Variants in ARHGAP15 observed in about 807,000 individuals in gnomAD.
The protein encoded by ARHGAP15 is rho GTPase-activating protein 15.
In ARHGAP15, 51 loss-of-function variants were observed where a neutral mutation model predicts 63.7. That is an observed-to-expected ratio of 0.80 (90% CI 0.64 to 1.01). The LOEUF (loss-of-function observed/expected upper bound fraction) is 1.01, where lower values mean the gene tolerates loss of function less well. Ranked by LOEUF, ARHGAP15 falls within the 50% of genes least tolerant of loss-of-function variation. The pLI, the probability that ARHGAP15 is intolerant of heterozygous loss-of-function variation, is 0.00. For missense variants in ARHGAP15, 560 were observed against 564.6 expected, an observed-to-expected ratio of 0.99 and a Z score of 0.08; for synonymous variants, 191 against 193.8, an observed-to-expected ratio of 0.99 and a Z score of 0.12.
At chr2:143,246,658 T>C (rs141299446) in intron 5 of ARHGAP15, among the ~76,000 whole-genome samples, 4 of 151,754 alleles carry the variant, frequency 2.6e-5, no homozygotes, top group African/African-American at 9.7e-5. Flanking sequence ...GCGATATCCT[T>C]GGAGGAGAGG....
chr2:143,334,552 G>A (rs1345087883), intron 6 of ARHGAP15, among the ~76,000 whole-genome samples: 1 of 152,082 alleles, frequency 6.6e-6, no homozygotes, highest in African/African-American at 2.4e-5. Context: ...AAGATGTAAA[G>A]CATGATTGCA....
chr2:143,753,387 C>T (rs1452431865), intron 13 of ARHGAP15, among the ~76,000 whole-genome samples: 1 of 152,142 alleles, frequency 6.6e-6, no homozygotes, highest in Non-Finnish European at 1.5e-5. Flanking sequence ...TAAGAGCCTT[C>T]TGTTATAAAG....
chr2:143,646,027 C>T (rs1038462892), intron 12 of ARHGAP15, among the ~76,000 whole-genome samples: 1 of 152,154 alleles, frequency 6.6e-6, no homozygotes, highest in South Asian at 2.1e-4. Flanking sequence ...CAAATATGTA[C>T]TGAAGGATTT....
At chr2:143,497,344 C>A (rs186923702) in intron 9 of ARHGAP15, among the ~76,000 whole-genome samples, 26 of 152,146 alleles carry the variant, frequency 1.7e-4, no homozygotes, top group Admixed American at 9.2e-4. Flanking sequence ...GGAGAGATGG[C>A]CCATGGCTGT....
intron 13 of ARHGAP15, among the ~76,000 whole-genome samples, chr2:143,715,700 T>C (rs2105450685): frequency 6.6e-6 from 1 of 152,370 alleles, no homozygotes; most frequent in Non-Finnish European, 1.5e-5. Context: ...TAGATTCTTT[T>C]GCTGTGCAGA....
In ARHGAP15 at chr2:143,330,122, AAAAAAAAAAC is replaced by A. The variant is rs1684466989; in HGVS notation, c.474+79523_474+79532del. 3.7e-5 allele frequency among the ~76,000 whole-genome samples: 3 copies of A among 81,428 alleles called. 1 individual carries two copies. Among genetic ancestry groups the A allele is most frequent in the Non-Finnish European group, 5.3e-5 (2 of 37,832 alleles). The allele number at this position is 81,428 out of a possible 152,430, so 53.4% of individuals were successfully genotyped here. A position where few individuals can be genotyped will look rare whatever the true frequency, so the allele number is the denominator to read the frequency against. ...AAAAAAAAAAAAAAAAAAAAAAAAA[AAAAAAAAAAC>A]CAAAAACAAAAAACTAAACTAATGA... On this transcript the variant is annotated intron_variant, in intron 6 of 13. Coordinates refer to ENST00000295095, the MANE Select transcript of ARHGAP15 (RefSeq NM_018460.4).
chr2:143,362,155 G>C (rs1394410870), intron 6 of ARHGAP15, among the ~76,000 whole-genome samples: 1 of 152,084 alleles, frequency 6.6e-6, no homozygotes, highest in Non-Finnish European at 1.5e-5. Context: ...CCCAAGTCTG[G>C]TTGGATGTAT....
intron 11 of ARHGAP15, among the ~76,000 whole-genome samples, chr2:143,619,593 A>G (rs1698579048): frequency 6.6e-6 from 1 of 152,154 alleles, no homozygotes; most frequent in Admixed American, 6.5e-5. Context: ...AACATGTGAT[A>G]TGGTTTGGCT....
chr2:143,425,760 G>C (rs965896205), intron 6 of ARHGAP15, among the ~76,000 whole-genome samples: 9 of 27,706 alleles, frequency 3.2e-4, no homozygotes, highest in African/African-American at 6.6e-4. Context: ...TAGATAGTTA[G>C]TTTCATTCCT....
At chr2:143,271,528 T>G (rs1362251077) in intron 6 of ARHGAP15, among the ~76,000 whole-genome samples, 1 of 152,250 alleles carries the variant, frequency 6.6e-6, no homozygotes, top group Admixed American at 6.5e-5. Context: ...CAGGCTTGAG[T>G]GCAGTGGCGC....
intron 6 of ARHGAP15, among the ~76,000 whole-genome samples, chr2:143,282,995 G>A (rs1283959541): frequency 2.0e-5 from 3 of 152,130 alleles, no homozygotes; most frequent in Non-Finnish European, 4.4e-5. Context: ...ATTTGTCATT[G>A]TTTTCCGTGA....
chr2:143,419,660 A>G (rs1349921338), intron 6 of ARHGAP15, among the ~76,000 whole-genome samples: 1 of 139,074 alleles, frequency 7.2e-6, no homozygotes, highest in African/African-American at 2.9e-5. Flanking sequence ...ATATATACAA[A>G]CACATATATA....
intron 2 of ARHGAP15, among the ~76,000 whole-genome samples, chr2:143,164,232 TG>T (rs1342132841): frequency 6.6e-6 from 1 of 152,030 alleles, no homozygotes; most frequent in Non-Finnish European, 1.5e-5. Context: ...TGAATCCCCA[TG>T]TTCCTAAAGA....
chr2:143,655,494 T>A (rs1681390132), intron 12 of ARHGAP15, among the ~76,000 whole-genome samples: 1 of 152,176 alleles, frequency 6.6e-6, no homozygotes, highest in Admixed American at 6.5e-5. Flanking sequence ...ATCTAACTGA[T>A]AGGATTGTTT....
chr2:143,653,945 T>G (rs1408660769), intron 12 of ARHGAP15, among the ~76,000 whole-genome samples: 1 of 152,230 alleles, frequency 6.6e-6, no homozygotes, highest in African/African-American at 2.4e-5. Context: ...CTGAAGGCAA[T>G]TAAAATCCAC....
In ARHGAP15 at chr2:143,284,924, C is replaced by T. The variant is rs1682021214; in HGVS notation, c.474+34324C>T. On this transcript the variant is annotated intron_variant, in intron 6 of 13. Transcript: ENST00000295095. ...CCATGTCTCAAATTCTTACTTTGTT[C>T]TGTTTTTTTGAAAGACAATGTACAT... is the stretch of plus-strand genomic sequence containing the variant. Among the ~76,000 whole-genome samples, 4 of 152,066 alleles carry T rather than the reference C, an allele frequency of 2.6e-5. No homozygotes were observed. In the South Asian group the frequency reaches 8.3e-4, roughly 31 times the overall value.
At chr2:143,459,695 C>A (rs765899647) in intron 8 of ARHGAP15, among the ~76,000 whole-genome samples, 1 of 152,042 alleles carries the variant, frequency 6.6e-6, no homozygotes, top group Non-Finnish European at 1.5e-5. Context: ...AAAATCCATT[C>A]AAAGAAAACT....
At chr2:143,149,740 T>A (rs1305268279) in intron 1 of ARHGAP15, among the ~76,000 whole-genome samples, 1 of 152,054 alleles carries the variant, frequency 6.6e-6, no homozygotes, top group Non-Finnish European at 1.5e-5. Flanking sequence ...GAGTTACACA[T>A]TTTTAAAGTA....
At chr2:143,370,892 A>C (rs16822403) in intron 6 of ARHGAP15, among the ~76,000 whole-genome samples, 22,795 of 152,192 alleles carry the variant, frequency 0.15, 1,938 homozygotes, top group Non-Finnish European at 0.17. Context: ...TCCATGTTTC[A>C]AATGATTATG....
Sources: gnomAD v4.1 joint callset for allele counts (sites outside exome capture counted in the v4.1 genomes callset) on GRCh38, gnomAD v4.1.1 for gene constraint, MANE v1.5 for transcripts, NCBI Gene and HGNC (gene_info 2026-07-23, HGNC 2026-07-21) for gene names.